The following TMEM132D variants were observed in gnomAD, a reference collection of about 807,000 sequenced individuals.
TMEM132D encodes mature OL transmembrane protein.
TMEM132D carries 21 observed loss-of-function variants against 62.3 expected under a neutral mutation model. That is an observed-to-expected ratio of 0.34 (90% CI 0.24 to 0.49). The LOEUF (loss-of-function observed/expected upper bound fraction) is 0.49. Among genes scored for constraint, TMEM132D ranks in the 20% least tolerant of loss-of-function variants. The pLI, the probability that TMEM132D is intolerant of heterozygous loss-of-function variation, is 0.99. For missense variants in TMEM132D, 1,346 were observed against 1,402.8 expected, an observed-to-expected ratio of 0.96 and a Z score of 0.65; for synonymous variants, 621 against 575.6, an observed-to-expected ratio of 1.08 and a Z score of -1.13.
chr12:129,167,260 C>A (rs1020423725), intron 5 of TMEM132D, among the ~76,000 whole-genome samples: 2 of 152,098 alleles, frequency 1.3e-5, no homozygotes, highest in African/African-American at 4.8e-5. Context: ...ACGAGGAGGC[C>A]TCACCATCTC....
chr12:129,601,191 T>C (rs75637781), intron 2 of TMEM132D, among the ~76,000 whole-genome samples: 1 of 152,210 alleles, frequency 6.6e-6, no homozygotes, highest in Admixed American at 6.5e-5. Context: ...TGGCATCTTT[T>C]CTTAAATCTC....
chr12:129,330,656 G>T (rs545640031), intron 4 of TMEM132D, among the ~76,000 whole-genome samples: 1 of 152,168 alleles, frequency 6.6e-6, no homozygotes, highest in Non-Finnish European at 1.5e-5. Flanking sequence ...CGCTCCATGC[G>T]ACACCCTGCT....
intron 2 of TMEM132D, among the ~76,000 whole-genome samples, chr12:129,591,963 G>A (rs979790809): frequency 2.6e-5 from 4 of 152,020 alleles, no homozygotes; most frequent in Non-Finnish European, 4.4e-5. Context: ...AAATAGTATT[G>A]AGTTATTAAC....
intron 5 of TMEM132D, among the ~76,000 whole-genome samples, chr12:129,097,791 T>A (rs10847764): frequency 0.44 from 67,451 of 152,166 alleles, 15,812 homozygotes; most frequent in East Asian, 0.61. Flanking sequence ...TTCTTATTAA[T>A]CACGTTTAAC....
intron 2 of TMEM132D, among the ~76,000 whole-genome samples, chr12:129,542,797 T>A (rs1231777359): frequency 2.6e-5 from 4 of 152,148 alleles, no homozygotes; most frequent in Admixed American, 2.6e-4. Flanking sequence ...ACAACAATGG[T>A]CCCATAAGAT....
intron 5 of TMEM132D, among the ~76,000 whole-genome samples, chr12:129,176,095 G>A (rs978478880): frequency 3.3e-5 from 5 of 152,176 alleles, no homozygotes; most frequent in African/African-American, 9.7e-5. Flanking sequence ...CAAGGACCAC[G>A]TTGCGTGGAA....
intron 1 of TMEM132D, among the ~76,000 whole-genome samples, chr12:129,748,007 C>A (rs76218963): frequency 6.6e-6 from 1 of 152,142 alleles, no homozygotes; most frequent in Non-Finnish European, 1.5e-5. Context: ...ATTAGGATGC[C>A]GTGTCCATGC....
chr12:129,759,913 CT>C (rs5801881), intron 1 of TMEM132D, among the ~76,000 whole-genome samples: 20 of 148,774 alleles, frequency 1.3e-4, no homozygotes, highest in Middle Eastern at 3.5e-3. Context: ...TCTTATTTGC[CT>C]TTTTTTTTTG....
intron 2 of TMEM132D, among the ~76,000 whole-genome samples, chr12:129,674,160 T>C (rs774649536): frequency 2.0e-5 from 3 of 152,178 alleles, no homozygotes; most frequent in Non-Finnish European, 2.9e-5. Context: ...CTCAAACCCA[T>C]GCAAAGGGGC....
At chr12:129,425,778 A>T (rs1243095629) in intron 3 of TMEM132D, among the ~76,000 whole-genome samples, 1 of 152,208 alleles carries the variant, frequency 6.6e-6, no homozygotes, top group Non-Finnish European at 1.5e-5. Flanking sequence ...CATTGTGCGT[A>T]AACAATAAAG....
chr12:129,260,440 T>C, intron 4 of TMEM132D, among the ~76,000 whole-genome samples: 1 of 152,218 alleles, frequency 6.6e-6, no homozygotes, highest in East Asian at 1.9e-4. Flanking sequence ...AACAAGTGAC[T>C]AGAAGCTTGT....
chr12:129,550,444 C>A (rs1415676959), intron 2 of TMEM132D, among the ~76,000 whole-genome samples: 1 of 152,198 alleles, frequency 6.6e-6, no homozygotes, highest in Non-Finnish European at 1.5e-5. Flanking sequence ...TCTTGATTGA[C>A]TCCCAAGCAC....
chr12:129,162,924 C>T (rs1311130718), intron 5 of TMEM132D, among the ~76,000 whole-genome samples: 1 of 152,216 alleles, frequency 6.6e-6, no homozygotes, highest in Non-Finnish European at 1.5e-5. Context: ...GGGACCTGGG[C>T]TAGCACAGTC....
chr12:129,248,539 A>C (rs1169190750), intron 4 of TMEM132D, among the ~76,000 whole-genome samples: 1 of 143,056 alleles, frequency 7.0e-6, no homozygotes, highest in Non-Finnish European at 1.5e-5. Flanking sequence ...TTTTTTTTTT[A>C]TTAGAGTACT....
chr12:129,679,981 T>A (rs2137207355), intron 2 of TMEM132D, among the ~76,000 whole-genome samples: 1 of 152,328 alleles, frequency 6.6e-6, no homozygotes, highest in African/African-American at 2.4e-5. Flanking sequence ...TATGCTGGTA[T>A]AATGTGTATA....
chr12:129,236,704 A>G (rs868158945), intron 4 of TMEM132D, among the ~76,000 whole-genome samples: 19 of 152,062 alleles, frequency 1.2e-4, no homozygotes, highest in African/African-American at 4.6e-4. Context: ...TCCGATTTGA[A>G]TGCCTTTTGT....
intron 1 of TMEM132D, among the ~76,000 whole-genome samples, chr12:129,719,728 G>A (rs1186830407): frequency 6.6e-6 from 1 of 152,242 alleles, no homozygotes; most frequent in Non-Finnish European, 1.5e-5. Flanking sequence ...CAGCTCCGCA[G>A]TGAAGCATTT....
intron 2 of TMEM132D, among the ~76,000 whole-genome samples, chr12:129,636,475 G>A (rs904298826): frequency 7.9e-5 from 12 of 152,126 alleles, no homozygotes; most frequent in African/African-American, 9.7e-5. Flanking sequence ...AGGGTGTAAT[G>A]AGGCCTGTCC....
chr12:129,082,606 G>A (rs1344383703), intron 6 of TMEM132D, among the ~76,000 whole-genome samples: 1 of 152,136 alleles, frequency 6.6e-6, no homozygotes, highest in Non-Finnish European at 1.5e-5. Context: ...TTCCCCACAT[G>A]AGCCTTGAGA....
Sources: allele counts gnomAD v4.1 joint callset (sites outside exome capture counted in the v4.1 genomes callset), GRCh38; gene constraint gnomAD v4.1.1; transcripts MANE v1.5; gene names NCBI Gene and HGNC (gene_info 2026-07-23, HGNC 2026-07-21).